NRG1: variants seen among roughly 807,000 people sequenced by gnomAD.
The protein encoded by NRG1 is neuregulin 1.
Under a neutral mutation model 63.8 loss-of-function variants are expected in NRG1, and 18 were observed. The observed-to-expected ratio is 0.28, with a 90% CI of 0.19 to 0.42. The LOEUF (loss-of-function observed/expected upper bound fraction) is 0.42, where lower values mean the gene tolerates loss of function less well. NRG1 is among the 10% of genes least tolerant of loss of function. NRG1 has a pLI of 1.00. For missense variants in NRG1, 762 were observed against 814.7 expected (o/e 0.94, Z 0.79); for synonymous variants, 302 against 301.3 (o/e 1.00, Z -0.02).
At chr8:31,903,553 A>T (rs1832277805) in intron 1 of NRG1, among the ~76,000 whole-genome samples, 1 of 152,172 alleles carries the variant, frequency 6.6e-6, no homozygotes, top group Non-Finnish European at 1.5e-5. Context: ...AGAATCTACT[A>T]GCATAGCACC....
At position 32,341,193 on chromosome 8, in the gene NRG1, G is replaced by A. The variant is rs577059744; in HGVS notation, c.38-254635G>A. Among the ~76,000 whole-genome samples the A allele has an allele frequency of 1.2e-3, 184 of 152,194 alleles. 1 individual carries two copies. The highest frequency in any genetic ancestry group is 4.3e-3 in the African/African-American group (179 of 41,532). ...TACATTTATTTTGTTCCAAGATAAC[G>A]TGCAGAAACCCGAATTCCAGATAGG... On this transcript the variant is annotated intron_variant, in intron 1 of 10. Transcript: ENST00000519301.
chr8:32,288,151 G>GGA (rs146360274), intron 1 of NRG1, among the ~76,000 whole-genome samples: 221 of 150,464 alleles, frequency 1.5e-3, no homozygotes, highest in Non-Finnish European at 2.5e-3. Context: ...AAGACAGATA[G>GGA]GAGAGAGAGA....
intron 1 of NRG1, among the ~76,000 whole-genome samples, chr8:31,785,053 A>G (rs1396944722): frequency 2.0e-5 from 3 of 152,190 alleles, no homozygotes; most frequent in African/African-American, 7.2e-5. Context: ...TGTTAAGTCC[A>G]CAAGAAGGCT....
intron 1 of NRG1, among the ~76,000 whole-genome samples, chr8:32,049,327 C>A (rs1045963580): frequency 6.6e-6 from 1 of 152,100 alleles, no homozygotes; most frequent in Non-Finnish European, 1.5e-5. Flanking sequence ...ATATTCCATC[C>A]AGTTATGATC....
intron 5 of NRG1, among the ~76,000 whole-genome samples, chr8:32,713,076 G>A (rs1429647749): frequency 6.6e-6 from 1 of 152,058 alleles, no homozygotes; most frequent in African/African-American, 2.4e-5. Context: ...TTCGACCTTT[G>A]TGTATATACT....
intron 1 of NRG1, among the ~76,000 whole-genome samples, chr8:32,236,119 T>TG (rs1052066935): frequency 3.3e-5 from 5 of 151,708 alleles, no homozygotes; most frequent in African/African-American, 1.2e-4. Context: ...TTTTTTGTTT[T>TG]TGTGTGTGTA....
At chr8:32,531,759 G>C (rs1197373130) in intron 1 of NRG1, among the ~76,000 whole-genome samples, 1 of 152,124 alleles carries the variant, frequency 6.6e-6, no homozygotes, top group African/African-American at 2.4e-5. Context: ...AAATGAGAAA[G>C]CGCAAAATAA....
intron 11 of NRG1, chr8:32,761,022 C>A: frequency 5.1e-6 from 5 of 981,458 alleles, no homozygotes; most frequent in Non-Finnish European, 6.1e-6. Flanking sequence ...GTTTTCAAAG[C>A]AGATACTGCC....
chr8:31,885,632 G>C (rs1461058648), intron 1 of NRG1, among the ~76,000 whole-genome samples: 1 of 152,126 alleles, frequency 6.6e-6, no homozygotes, highest in African/African-American at 2.4e-5. Context: ...CCAAGGAGAA[G>C]CAGGCAACAG....
intron 1 of NRG1, among the ~76,000 whole-genome samples, chr8:32,371,665 T>C (rs950430670): frequency 6.6e-6 from 1 of 152,164 alleles, no homozygotes; most frequent in Non-Finnish European, 1.5e-5. Context: ...GATGCTAACA[T>C]GGAACTTGTC....
chr8:31,885,828 C>A (rs1451870536), intron 1 of NRG1, among the ~76,000 whole-genome samples: 1 of 152,016 alleles, frequency 6.6e-6, no homozygotes, highest in Non-Finnish European at 1.5e-5. Context: ...TTTCAGTACA[C>A]CACTGTATTA....
At chr8:32,670,304 AGAG>A (rs902547043) in intron 5 of NRG1, among the ~76,000 whole-genome samples, 2 of 152,146 alleles carry the variant, frequency 1.3e-5, no homozygotes, top group Non-Finnish European at 2.9e-5. Context: ...AAAAAGAGAG[AGAG>A]GAAGTTTTGG....
chr8:32,693,871 A>G (rs184924161), intron 5 of NRG1, among the ~76,000 whole-genome samples: 10 of 152,318 alleles, frequency 6.6e-5, no homozygotes, highest in African/African-American at 2.4e-4. Context: ...TTAGGAGTAC[A>G]TAAAAGACAA....
intron 1 of NRG1, among the ~76,000 whole-genome samples, chr8:32,243,434 G>GAA (rs35033032): frequency 2.2e-5 from 3 of 133,470 alleles, no homozygotes; most frequent in South Asian, 2.4e-4. Flanking sequence ...TGTCTCAAAA[G>GAA]AAAAAAAAAA....
At chr8:32,676,322 A>AG (rs938025694) in intron 5 of NRG1, among the ~76,000 whole-genome samples, 1 of 152,156 alleles carries the variant, frequency 6.6e-6, no homozygotes, top group African/African-American at 2.4e-5. Context: ...CCATGACCCC[A>AG]GGGGGGCTTT....
chr8:32,057,532 A>G (rs1006531985), intron 1 of NRG1, among the ~76,000 whole-genome samples: 4 of 152,136 alleles, frequency 2.6e-5, no homozygotes, highest in African/African-American at 4.8e-5. Flanking sequence ...TCAAAACAAG[A>G]TACATCAGGA....
At chr8:32,146,620 A>G (rs1204963983) in intron 1 of NRG1, among the ~76,000 whole-genome samples, 3 of 152,184 alleles carry the variant, frequency 2.0e-5, no homozygotes, top group Non-Finnish European at 2.9e-5. Flanking sequence ...GAGACCTTTA[A>G]TTAATCAAAA....
At chr8:32,171,705 C>T (rs76868732) in intron 1 of NRG1, among the ~76,000 whole-genome samples, 2,139 of 152,292 alleles carry the variant, frequency 0.014, 43 homozygotes, top group African/African-American at 0.047. Flanking sequence ...TTATATCCCA[C>T]GCATGGCTTG....
intron 1 of NRG1, among the ~76,000 whole-genome samples, chr8:31,859,846 G>A (rs983390232): frequency 1.3e-5 from 2 of 152,120 alleles, no homozygotes; most frequent in African/African-American, 2.4e-5. Context: ...CTGGAAAATC[G>A]AACTTAATTC....
Sources: allele counts gnomAD v4.1 joint callset (sites outside exome capture counted in the v4.1 genomes callset), GRCh38; gene constraint gnomAD v4.1.1; transcripts MANE v1.5; gene names NCBI Gene and HGNC (gene_info 2026-07-23, HGNC 2026-07-21).